The following TEAD1 variants were observed in gnomAD, a reference collection of about 807,000 sequenced individuals.
TEAD1 encodes the protein transcriptional enhancer factor TEF-1.
In TEAD1, 9 loss-of-function variants were observed where a neutral mutation model predicts 54.9. The observed-to-expected ratio is 0.16, with a 90% CI of 0.10 to 0.29. The LOEUF is 0.29. Among genes scored for constraint, TEAD1 ranks in the 10% least tolerant of loss-of-function variants. The pLI, the probability that TEAD1 is intolerant of heterozygous loss-of-function variation, is 1.00. For missense variants in TEAD1, 387 were observed against 535.9 expected, an observed-to-expected ratio of 0.72 and a Z score of 2.74; for synonymous variants, 200 against 187.8, an observed-to-expected ratio of 1.07 and a Z score of -0.53.
At chr11:12,892,816 G>A (rs1428037146) in intron 9 of TEAD1, among the ~76,000 whole-genome samples, 1 of 152,084 alleles carries the variant, frequency 6.6e-6, no homozygotes, top group Non-Finnish European at 1.5e-5. Context: ...ATCTTGGGGT[G>A]GAGAATGGCT....
At chr11:12,798,838 G>A (rs183497367) in intron 3 of TEAD1, among the ~76,000 whole-genome samples, 7 of 152,316 alleles carry the variant, frequency 4.6e-5, no homozygotes, top group African/African-American at 1.4e-4. Context: ...GCCTTTAGGC[G>A]GTGCCATCCT....
intron 2 of TEAD1, among the ~76,000 whole-genome samples, chr11:12,719,190 C>G (rs1043806141): frequency 2.0e-5 from 3 of 151,958 alleles, no homozygotes; most frequent in African/African-American, 7.3e-5. Context: ...TGACTCTGAC[C>G]ACAGCTAAAC....
At chr11:12,765,044 G>A (rs12222437) in intron 3 of TEAD1, among the ~76,000 whole-genome samples, 1 of 151,986 alleles carries the variant, frequency 6.6e-6, no homozygotes. Context: ...TGAATGGTCA[G>A]ACAAGGCATT....
At chr11:12,707,545 C>G (rs540477074) in intron 2 of TEAD1, among the ~76,000 whole-genome samples, 1 of 152,330 alleles carries the variant, frequency 6.6e-6, no homozygotes, top group Admixed American at 6.5e-5. Flanking sequence ...TTCTTCATGC[C>G]TTTGCAATTC....
chr11:12,842,208 C>CTTTAA (rs1334251085), intron 3 of TEAD1, among the ~76,000 whole-genome samples: 1 of 152,198 alleles, frequency 6.6e-6, no homozygotes, highest in Admixed American at 6.5e-5. Context: ...TCTTAGCTCC[C>CTTTAA]TTTAAAAGTG....
intron 3 of TEAD1, among the ~76,000 whole-genome samples, chr11:12,842,575 A>G (rs2134036570): frequency 6.6e-6 from 1 of 152,284 alleles, no homozygotes; most frequent in African/African-American, 2.4e-5. Context: ...TTTCTCAAGC[A>G]TTCTCTCCTG....
chr11:12,828,860 G>A (rs1350769435), intron 3 of TEAD1, among the ~76,000 whole-genome samples: 6 of 131,638 alleles, frequency 4.6e-5, no homozygotes, highest in African/African-American at 1.1e-4. Flanking sequence ...TTTTTACCCC[G>A]TATTTCTTGA....
At chr11:12,794,249 A>G (rs974562996) in intron 3 of TEAD1, among the ~76,000 whole-genome samples, 2 of 152,164 alleles carry the variant, frequency 1.3e-5, no homozygotes, top group African/African-American at 4.8e-5. Context: ...CATGTTCATT[A>G]ATTATTTTTT....
At chr11:12,908,044 A>G (rs766175740) in intron 10 of TEAD1, among the ~76,000 whole-genome samples, 8 of 152,074 alleles carry the variant, frequency 5.3e-5, no homozygotes, top group Non-Finnish European at 1.0e-4. Context: ...TATGTTCTGT[A>G]TATTATTATG....
intron 2 of TEAD1, among the ~76,000 whole-genome samples, chr11:12,723,473 A>C (rs1406268227): frequency 1.3e-5 from 2 of 152,206 alleles, no homozygotes; most frequent in Non-Finnish European, 2.9e-5. Flanking sequence ...TGTAAAATAA[A>C]TACTTTGGAC....
At chr11:12,835,057 A>C (rs187230491) in intron 3 of TEAD1, among the ~76,000 whole-genome samples, 11 of 152,176 alleles carry the variant, frequency 7.2e-5, no homozygotes, top group Admixed American at 5.9e-4. Flanking sequence ...AATATATATC[A>C]CTTTCATGGG....
chr11:12,764,114 A>G, intron 2 of TEAD1, 65 bp from the exon 3 acceptor site: 1 of 1,023,626 alleles, frequency 9.8e-7, no homozygotes, highest in Non-Finnish European at 1.4e-6. Flanking sequence ...CTTGCACTAG[A>G]GCTAGCAAGA....
intron 2 of TEAD1, among the ~76,000 whole-genome samples, chr11:12,736,448 TA>T (rs1474080773): frequency 1.6e-4 from 24 of 152,222 alleles, no homozygotes; most frequent in Admixed American, 1.6e-3. Context: ...AGCTTTTAGA[TA>T]TTTTGCTGAA....
intron 9 of TEAD1, among the ~76,000 whole-genome samples, chr11:12,890,912 G>A (rs2134112377): frequency 6.6e-6 from 1 of 152,224 alleles, no homozygotes; most frequent in South Asian, 2.1e-4. Flanking sequence ...TTACAGGCAT[G>A]TACCATCATG....
intron 5 of TEAD1, chr11:12,878,979 G>A: frequency 8.7e-7 from 1 of 1,144,872 alleles, no homozygotes; most frequent in African/African-American, 1.6e-5. Context: ...TGTGTTGTTA[G>A]CCTTGGCTTT....
chr11:12,877,138 T>G (rs1947867793), intron 5 of TEAD1, among the ~76,000 whole-genome samples: 1 of 152,156 alleles, frequency 6.6e-6, no homozygotes, highest in Non-Finnish European at 1.5e-5. Flanking sequence ...AGAACTGCCA[T>G]CTGATAAGAA....
intron 2 of TEAD1, among the ~76,000 whole-genome samples, chr11:12,693,711 A>C (rs1590058225): frequency 6.6e-6 from 1 of 152,130 alleles, no homozygotes; most frequent in South Asian, 2.1e-4. Context: ...GTGAATATTC[A>C]TTTGCAAATA....
intron 2 of TEAD1, among the ~76,000 whole-genome samples, chr11:12,688,672 T>C (rs1341761187): frequency 6.6e-6 from 1 of 152,220 alleles, no homozygotes; most frequent in Admixed American, 6.5e-5. Flanking sequence ...GCCTATTGGC[T>C]GTGTGATTTT....
At chr11:12,706,418 A>G (rs991945881) in intron 2 of TEAD1, among the ~76,000 whole-genome samples, 2 of 152,212 alleles carry the variant, frequency 1.3e-5, no homozygotes, top group African/African-American at 4.8e-5. Flanking sequence ...GTGAATCAGA[A>G]TTTTTTGAAT....
Sources: gnomAD v4.1 joint callset for allele counts (sites outside exome capture counted in the v4.1 genomes callset) on GRCh38, gnomAD v4.1.1 for gene constraint, MANE v1.5 for transcripts, NCBI Gene and HGNC (gene_info 2026-07-23, HGNC 2026-07-21) for gene names.